NUAK1: variants seen among roughly 807,000 people sequenced by gnomAD.
NUAK1 encodes NUAK family SNF1-like kinase 1.
NUAK1 carries 26 observed loss-of-function variants against 56.9 expected under a neutral mutation model. The ratio of observed to expected loss-of-function variants is 0.46; its 90% confidence interval spans 0.33 to 0.63. NUAK1 has a LOEUF of 0.63. NUAK1 is among the 30% of genes least tolerant of loss of function. NUAK1 has a pLI of 0.02. For missense variants in NUAK1, 727 were observed against 876.1 expected (o/e 0.83, Z 2.15); for synonymous variants, 337 against 336.0 (o/e 1.00, Z -0.03).
rs35552828 is a variant in NUAK1, at chr12:106,111,902, T to TAAA, written c.241-5380_241-5378dup. On this transcript the variant is annotated intron_variant, in intron 1 of 6. Coordinates refer to ENST00000261402, the MANE Select transcript of NUAK1 (RefSeq NM_014840.3). ...ATATTTCCCAAAGTTACATAGCCTG[T>TAAA]AAAAAAAAAAAAAAAAAAAGTGGAG... Among the ~76,000 whole-genome samples, 418 of 123,348 alleles carry TAAA rather than the reference T, an allele frequency of 3.4e-3. 3 individuals carry two copies. The highest frequency in any genetic ancestry group is 0.011 in the African/African-American group (369 of 33,516). 80.9% of individuals were successfully genotyped at this position (123,348 alleles called of 152,430 possible).
At chr12:106,090,532 C>T (rs1288840094) in intron 2 of NUAK1, among the ~76,000 whole-genome samples, 5 of 152,100 alleles carry the variant, frequency 3.3e-5, no homozygotes, top group Admixed American at 6.5e-5. Context: ...ACACCTGGGG[C>T]GACAAGGTGA....
At chr12:106,110,180 C>T (rs760992507) in intron 1 of NUAK1, among the ~76,000 whole-genome samples, 1 of 152,314 alleles carries the variant, frequency 6.6e-6, no homozygotes, top group African/African-American at 2.4e-5. Context: ...TCCACCCGCT[C>T]CCACACTGTC....
chr12:106,104,412 G>A (rs1286296778), intron 2 of NUAK1, among the ~76,000 whole-genome samples: 3 of 152,042 alleles, frequency 2.0e-5, no homozygotes, highest in Non-Finnish European at 4.4e-5. Context: ...TTGAGTGTGG[G>A]GTCCATATCA....
intron 1 of NUAK1, among the ~76,000 whole-genome samples, chr12:106,135,241 T>C (rs2033118348): frequency 1.3e-5 from 2 of 152,242 alleles, no homozygotes; most frequent in African/African-American, 2.4e-5. Context: ...TTTGCCTTTC[T>C]GCAAGAGTGC....
Position 106,066,734 on chromosome 12 carries a change from C to G in NUAK1, c.*68G>C, listed in dbSNP as rs2032342633. 1 of 1,276,864 alleles carries G rather than the reference C, an allele frequency of 7.8e-7. No homozygotes were observed. Among genetic ancestry groups the G allele is most frequent in the Middle Eastern group, 2.2e-4 (1 of 4,574 alleles). The allele number at this position is 1,276,864 out of a possible 1,614,324, so 79.1% of individuals were successfully genotyped here. ...TCACAGCCAGCAAAGAGGTAACCAG[C>G]CTGTGAGCCCAAGTCTTGCTCCCCT... On this transcript the variant is annotated 3_prime_UTR_variant, in exon 7 of 7. Coordinates refer to ENST00000261402, the MANE Select transcript of NUAK1 (RefSeq NM_014840.3).
At position 106,097,477 on chromosome 12, in the gene NUAK1, G is replaced by A. The variant is rs910869581; in HGVS notation, c.361+8928C>T. On this transcript the variant is annotated intron_variant, in intron 2 of 6. Coordinates refer to ENST00000261402, the MANE Select transcript of NUAK1 (RefSeq NM_014840.3). ...GAATGAGAATAGTGGATAATGTTAAGGATCATTGATCTTGTTAGATCAGTT... is the reference window on the plus strand; with the variant it reads ...GAATGAGAATAGTGGATAATGTTAAAGATCATTGATCTTGTTAGATCAGTT... Among the ~76,000 whole-genome samples, 7 of 152,156 alleles carry A rather than the reference G, an allele frequency of 4.6e-5. No individual in the cohort carries two copies. The East Asian group carries it at 1.3e-3, about 29-fold the overall frequency.
Position 106,065,064 on chromosome 12 carries a change from G to A in NUAK1, c.*1738C>T, listed in dbSNP as rs1224417922. The A allele has an allele frequency of 6.6e-6, 1 of 152,150 alleles. No individual in the cohort carries two copies. Among genetic ancestry groups the A allele is most frequent in the Non-Finnish European group, 1.5e-5 (1 of 68,038 alleles). 9.4% of individuals were successfully genotyped at this position (152,150 alleles called of 1,614,324 possible). A position where few individuals can be genotyped will look rare whatever the true frequency, so the allele number is the denominator to read the frequency against. On this transcript the variant is annotated 3_prime_UTR_variant, in exon 7 of 7. Coordinates refer to ENST00000261402, the MANE Select transcript of NUAK1 (RefSeq NM_014840.3). The stretch of plus-strand genomic sequence containing the variant: ...GGTGAATTTTTTTCTCATCTCCCTA[G>A]AACTATTGTTTGTTGGTTTTTCCAA...
chr12:106,106,903 G>C (rs561167496), intron 1 of NUAK1, among the ~76,000 whole-genome samples: 1 of 152,278 alleles, frequency 6.6e-6, no homozygotes, highest in Admixed American at 6.5e-5. Context: ...GATTAAACAT[G>C]GTTAGGTGAA....
chr12:106,081,276 T>C (rs1398934833), intron 4 of NUAK1, among the ~76,000 whole-genome samples: 1 of 152,186 alleles, frequency 6.6e-6, no homozygotes, highest in Non-Finnish European at 1.5e-5. Context: ...GTCTAATCAT[T>C]AAAACAAGGG....
Position 106,066,067 on chromosome 12 carries a change from C to G in NUAK1, c.*735G>C, listed in dbSNP as rs1326657845. ...CTCTCTGACCAAGGCCCTGTCTTTC[C>G]TCAAAGTTGAGTAGCAAATTAACAA... On this transcript the variant is annotated 3_prime_UTR_variant, in exon 7 of 7. Transcript: ENST00000261402. The G allele has an allele frequency of 1.3e-5, 2 of 152,272 alleles. No homozygotes were observed. Among genetic ancestry groups the G allele is most frequent in the Non-Finnish European group, 2.9e-5 (2 of 68,110 alleles). The allele number at this position is 152,272 out of a possible 1,614,324, so 9.4% of individuals were successfully genotyped here.
At chr12:106,127,822 G>A (rs2033037853) in intron 1 of NUAK1, among the ~76,000 whole-genome samples, 1 of 152,116 alleles carries the variant, frequency 6.6e-6, no homozygotes, top group East Asian at 1.9e-4. Context: ...CAATTTACAA[G>A]TGAAGCAAGT....
rs1007987755 is a variant in NUAK1, at chr12:106,067,543, G to T, written c.1245C>A (p.Gly415=). 9 of 1,614,116 alleles carry T rather than the reference G, an allele frequency of 5.6e-6. No individual in the cohort carries two copies. In the Admixed American group the frequency reaches 6.7e-5, roughly 12 times the overall value. The change falls in exon 7 of 7, where the codon GGC becomes GGA. Residue 415 remains glycine, a synonymous_variant. Coordinates refer to ENST00000261402, the MANE Select transcript of NUAK1 (RefSeq NM_014840.3). This position sits in a 1 kb window ranked among gnomAD's most constrained non-coding sequence, Gnocchi z 6.0. Reference sequence around the variant, plus strand: ...CAGGACCAACTACACCTTCAATGAAGCCAGTGCTGTGAGAGCGATGCTCGC... The same window carrying T: ...CAGGACCAACTACACCTTCAATGAATCCAGTGCTGTGAGAGCGATGCTCGC... The part of the protein sequence containing the change: ...SNSEHRSHST[G]FIEGVVGPAL...
intron 5 of NUAK1, among the ~76,000 whole-genome samples, chr12:106,071,643 C>G (rs1014580796): frequency 6.6e-6 from 1 of 152,040 alleles, no homozygotes; most frequent in Non-Finnish European, 1.5e-5. Context: ...CTAAGGTGGC[C>G]AAATAAAGGA....
At chr12:106,109,914 TCTTC>T (rs1411462504) in intron 1 of NUAK1, among the ~76,000 whole-genome samples, 1 of 152,162 alleles carries the variant, frequency 6.6e-6, no homozygotes, top group Non-Finnish European at 1.5e-5. Flanking sequence ...AACCTTCCCT[TCTTC>T]CTTTCTTTTT....
At chr12:106,073,756 T>C (rs2032431750) in intron 4 of NUAK1, among the ~76,000 whole-genome samples, 1 of 151,868 alleles carries the variant, frequency 6.6e-6, no homozygotes, top group African/African-American at 2.4e-5. Context: ...AGGCGGAGAT[T>C]GCAGTGAGCC....
Position 106,099,937 on chromosome 12 carries a change from T to C in NUAK1, c.361+6468A>G, listed in dbSNP as rs143830358. Among the ~76,000 whole-genome samples the C allele has an allele frequency of 5.3e-3, 799 of 151,520 alleles. 3 individuals carry two copies. The highest frequency in any genetic ancestry group is 0.018 in the African/African-American group (729 of 41,356). ...TCCTGAGTAGCTGGGACCACAGGCATGCACCATCACGTCCAGCTAATTTTT... is the reference window on the plus strand; with the variant it reads ...TCCTGAGTAGCTGGGACCACAGGCACGCACCATCACGTCCAGCTAATTTTT... On this transcript the variant is annotated intron_variant, in intron 2 of 6. Transcript: ENST00000261402.
At chr12:106,108,768 C>T (rs1408592599) in intron 1 of NUAK1, among the ~76,000 whole-genome samples, 2 of 152,142 alleles carry the variant, frequency 1.3e-5, no homozygotes, top group Non-Finnish European at 1.5e-5. Flanking sequence ...AAATTCTTCA[C>T]CATGCAGGGT....
chr12:106,112,105 A>C (rs2032865202), intron 1 of NUAK1, among the ~76,000 whole-genome samples: 1 of 151,896 alleles, frequency 6.6e-6, no homozygotes, highest in Non-Finnish European at 1.5e-5. Flanking sequence ...AGGTCCCAAA[A>C]GGAGGGACTG....
Position 106,127,441 on chromosome 12 carries a change from C to G in NUAK1, c.240+10973G>C, listed in dbSNP as rs117836249. On this transcript the variant is annotated intron_variant, in intron 1 of 6. Transcript: ENST00000261402. The stretch of plus-strand genomic sequence containing the variant: ...GCCTCCCAAAGTGTAGGATTACAGG[C>G]AGAAGCAACCACACCCAGCATGGGT... Among the ~76,000 whole-genome samples, 205 of 152,310 alleles carry G rather than the reference C, an allele frequency of 1.3e-3. 1 individual carries two copies. The East Asian group carries it at 0.02, about 15-fold the overall frequency.
Sources: gnomAD v4.1 joint callset for allele counts (sites outside exome capture counted in the v4.1 genomes callset) on GRCh38, gnomAD v4.1.1 for gene constraint, Gnocchi (gnomAD v3.1) non-coding constraint, MANE v1.5 for transcripts, NCBI Gene and HGNC (gene_info 2026-07-23, HGNC 2026-07-21) for gene names.